The following SNX29 variants were observed in gnomAD, a reference collection of about 807,000 sequenced individuals.
The protein encoded by SNX29 is sorting nexin-29.
In SNX29, 78 loss-of-function variants were observed where a neutral mutation model predicts 102.1. The ratio of observed to expected loss-of-function variants is 0.76; its 90% CI spans 0.64 to 0.92. The LOEUF (loss-of-function observed/expected upper bound fraction) is 0.92, where lower values mean the gene tolerates loss of function less well. Among genes scored for constraint, SNX29 ranks in the 40% least tolerant of loss-of-function variants. SNX29 has a pLI of 0.00. For missense variants in SNX29, 1,280 were observed against 1,061.7 expected (o/e 1.21, Z -2.86); for synonymous variants, 580 against 414.5 (o/e 1.40, Z -4.85).
chr16:12,014,223 C>T (rs1443988880), intron 3 of SNX29, among the ~76,000 whole-genome samples: 2 of 152,130 alleles, frequency 1.3e-5, no homozygotes, highest in Non-Finnish European at 2.9e-5. Context: ...CTCATTTATT[C>T]ACGCCTGCAT....
intron 13 of SNX29, among the ~76,000 whole-genome samples, chr16:12,167,034 C>G (rs1418874369): frequency 6.6e-6 from 1 of 152,094 alleles, no homozygotes; most frequent in African/African-American, 2.4e-5. Flanking sequence ...TCCACATGGC[C>G]CATTTGCTCA....
chr16:12,207,939 CT>C (rs2077087057), intron 14 of SNX29, among the ~76,000 whole-genome samples: 1 of 152,060 alleles, frequency 6.6e-6, no homozygotes, highest in African/African-American at 2.4e-5. Context: ...GTTTTTTCTT[CT>C]TTTATTAATC....
intron 14 of SNX29, among the ~76,000 whole-genome samples, chr16:12,237,098 T>G (rs1341395155): frequency 6.6e-6 from 1 of 152,178 alleles, no homozygotes; most frequent in African/African-American, 2.4e-5. Context: ...GTTGGCTGTT[T>G]GCAGCAGTTG....
chr16:12,257,410 T>C (rs1364401902), intron 14 of SNX29, among the ~76,000 whole-genome samples: 1 of 152,222 alleles, frequency 6.6e-6, no homozygotes, highest in African/African-American at 2.4e-5. Flanking sequence ...ACTCTAATTA[T>C]ATCTGCAAAG....
intron 13 of SNX29, among the ~76,000 whole-genome samples, chr16:12,161,759 C>T (rs1240398761): frequency 6.6e-6 from 1 of 151,778 alleles, no homozygotes; most frequent in Non-Finnish European, 1.5e-5. Flanking sequence ...GGCACTTCCA[C>T]CCTCCCTGCC....
chr16:11,991,753 A>C (rs530118994), intron 1 of SNX29, among the ~76,000 whole-genome samples: 1 of 140,694 alleles, frequency 7.1e-6, no homozygotes, highest in African/African-American at 2.7e-5. Context: ...GGGGTTTCAC[A>C]CGTTGGCCAG....
chr16:12,335,210 A>C (rs1468676719), intron 15 of SNX29, among the ~76,000 whole-genome samples: 1 of 151,946 alleles, frequency 6.6e-6, no homozygotes, highest in African/African-American at 2.4e-5. Flanking sequence ...TGAGTTATAG[A>C]TCTTTGAGGG....
chr16:12,463,341 G>A (rs1022617537), intron 18 of SNX29, among the ~76,000 whole-genome samples: 1 of 152,162 alleles, frequency 6.6e-6, no homozygotes, highest in African/African-American at 2.4e-5. Flanking sequence ...ACCCGAGACT[G>A]GGCAGTTTAC....
intron 20 of SNX29, among the ~76,000 whole-genome samples, chr16:12,564,613 C>T (rs1043211466): frequency 5.3e-5 from 8 of 151,782 alleles, no homozygotes; most frequent in Non-Finnish European, 1.2e-4. Context: ...CTGTAACAGA[C>T]CTAGTCCCAG....
chr16:12,500,044 T>C (rs947120599), intron 19 of SNX29, among the ~76,000 whole-genome samples: 1 of 151,790 alleles, frequency 6.6e-6, no homozygotes, highest in Non-Finnish European at 1.5e-5. Flanking sequence ...CAGGTAGGAG[T>C]ACAGTGGCGT....
chr16:12,386,035 G>T (rs1281654376), intron 16 of SNX29, among the ~76,000 whole-genome samples: 1 of 152,182 alleles, frequency 6.6e-6, no homozygotes, highest in African/African-American at 2.4e-5. Flanking sequence ...GCCTCAGCTG[G>T]CCAGGTGTCC....
intron 20 of SNX29, among the ~76,000 whole-genome samples, chr16:12,550,503 C>G (rs762002261): frequency 6.7e-6 from 1 of 149,104 alleles, no homozygotes; most frequent in African/African-American, 2.5e-5. Context: ...TCATTACATT[C>G]CAGTCTGGGA....
intron 1 of SNX29, among the ~76,000 whole-genome samples, chr16:11,988,473 C>T (rs2150980075): frequency 6.6e-6 from 1 of 152,228 alleles, no homozygotes; most frequent in East Asian, 1.9e-4. Context: ...TCAGTGCTCA[C>T]TGCAGCCTTG....
intron 14 of SNX29, among the ~76,000 whole-genome samples, chr16:12,209,638 C>T (rs1380797769): frequency 6.6e-6 from 1 of 152,158 alleles, no homozygotes; most frequent in South Asian, 2.1e-4. Flanking sequence ...CCTGGGCCAC[C>T]AGCTGCGTGT....
chr16:12,202,890 G>T (rs2076947625), intron 14 of SNX29, among the ~76,000 whole-genome samples: 1 of 152,292 alleles, frequency 6.6e-6, no homozygotes. Flanking sequence ...GTGTGGACAA[G>T]ACTGGCTCAT....
At chr16:12,418,773 C>T (rs538513994) in intron 18 of SNX29, among the ~76,000 whole-genome samples, 3 of 152,166 alleles carry the variant, frequency 2.0e-5, no homozygotes, top group Non-Finnish European at 4.4e-5. Context: ...CCTTGGCCTC[C>T]CAAAGTGCTG....
At chr16:12,468,586 C>G (rs938273682) in intron 18 of SNX29, among the ~76,000 whole-genome samples, 1 of 152,038 alleles carries the variant, frequency 6.6e-6, no homozygotes, top group Non-Finnish European at 1.5e-5. Flanking sequence ...CCTTTGAAAG[C>G]CTGTGTTTCT....
At chr16:12,231,543 CAAAA>C (rs922475326) in intron 14 of SNX29, among the ~76,000 whole-genome samples, 6 of 50,726 alleles carry the variant, frequency 1.2e-4, no homozygotes, top group South Asian at 3.7e-4. Flanking sequence ...AAAAAAAAAA[CAAAA>C]AACAAAAAAC....
intron 20 of SNX29, among the ~76,000 whole-genome samples, 199 bp from the exon 21 acceptor site, chr16:12,568,304 TAAA>T (rs34750195): frequency 5.3e-4 from 77 of 146,420 alleles, no homozygotes; most frequent in African/African-American, 1.8e-3. Context: ...GGAGTGCTGT[TAAA>T]AAAAAAAAAA....
Sources: gnomAD v4.1 joint callset for allele counts (sites outside exome capture counted in the v4.1 genomes callset) on GRCh38, gnomAD v4.1.1 for gene constraint, MANE v1.5 for transcripts, NCBI Gene and HGNC (gene_info 2026-07-23, HGNC 2026-07-21) for gene names.